The following CNTNAP2 variants were observed in gnomAD, a reference collection of about 807,000 sequenced individuals.
CNTNAP2 encodes the protein contactin associated protein 2, also known as contactin-associated protein-like 2.
Under a neutral mutation model 155.2 loss-of-function variants are expected in CNTNAP2, and 98 were observed. That is an observed-to-expected ratio of 0.63 (90% confidence interval 0.54 to 0.75). CNTNAP2 has a LOEUF of 0.75. Ranked by LOEUF, CNTNAP2 falls within the 30% of genes least tolerant of loss-of-function variation. The pLI is 0.00. For synonymous variants in CNTNAP2, 651 were observed against 631.2 expected (o/e 1.03, Z -0.47); for missense variants, 1,727 against 1,688.1 (o/e 1.02, Z -0.40).
intron 21 of CNTNAP2, among the ~76,000 whole-genome samples, chr7:148,364,578 A>G (rs998253591): frequency 6.6e-6 from 1 of 152,188 alleles, no homozygotes; most frequent in Non-Finnish European, 1.5e-5. Flanking sequence ...GCACCAATCG[A>G]CACTCTGTAT....
intron 15 of CNTNAP2, among the ~76,000 whole-genome samples, chr7:148,026,700 C>T (rs1327873113): frequency 6.6e-6 from 1 of 152,154 alleles, no homozygotes; most frequent in African/African-American, 2.4e-5. Flanking sequence ...CCACCTCATA[C>T]AGCTTGAAAA....
At chr7:147,798,083 G>C (rs182210134) in intron 13 of CNTNAP2, among the ~76,000 whole-genome samples, 1 of 152,228 alleles carries the variant, frequency 6.6e-6, no homozygotes, top group African/African-American at 2.4e-5. Flanking sequence ...TATAGATAAT[G>C]AATAATGTGC....
At chr7:146,313,027 C>T (rs1020047103) in intron 1 of CNTNAP2, among the ~76,000 whole-genome samples, 6 of 152,020 alleles carry the variant, frequency 3.9e-5, no homozygotes, top group East Asian at 1.9e-4. Context: ...CTGGGAATGC[C>T]GATATCTCCT....
chr7:147,667,805 AAAT>A (rs1179973182), intron 13 of CNTNAP2, among the ~76,000 whole-genome samples: 2 of 145,818 alleles, frequency 1.4e-5, no homozygotes, highest in South Asian at 4.2e-4. Flanking sequence ...CAAAAAAAAA[AAAT>A]AATAAAAAAA....
At chr7:147,508,639 T>C (rs933419421) in intron 11 of CNTNAP2, among the ~76,000 whole-genome samples, 1 of 152,184 alleles carries the variant, frequency 6.6e-6, no homozygotes, top group African/African-American at 2.4e-5. Flanking sequence ...GTAGCTCCCA[T>C]AATCCCTGCA....
chr7:147,858,064 C>T (rs12535052), intron 13 of CNTNAP2, among the ~76,000 whole-genome samples: 6,726 of 152,240 alleles, frequency 0.044, 270 homozygotes, highest in Admixed American at 0.12. Flanking sequence ...AGGACAAGGA[C>T]TGGACGTTAA....
chr7:147,534,291 TG>T (rs1799502912), intron 11 of CNTNAP2, among the ~76,000 whole-genome samples: 1 of 152,228 alleles, frequency 6.6e-6, no homozygotes, highest in African/African-American at 2.4e-5. Flanking sequence ...AAAACGTCAG[TG>T]GTGCTGAGGT....
At chr7:146,819,863 A>T (rs2129195836) in intron 2 of CNTNAP2, among the ~76,000 whole-genome samples, 1 of 152,244 alleles carries the variant, frequency 6.6e-6, no homozygotes, top group South Asian at 2.1e-4. Flanking sequence ...ACCCTGAAAT[A>T]CAGGCTGTCA....
At chr7:148,296,017 G>A (rs911986247) in intron 21 of CNTNAP2, among the ~76,000 whole-genome samples, 2 of 152,078 alleles carry the variant, frequency 1.3e-5, no homozygotes, top group African/African-American at 2.4e-5. Flanking sequence ...ACAATTATTT[G>A]GGCCTTGAAA....
chr7:148,335,496 T>C (rs1315437962), intron 21 of CNTNAP2, among the ~76,000 whole-genome samples: 2 of 152,118 alleles, frequency 1.3e-5, no homozygotes, highest in Non-Finnish European at 2.9e-5. Flanking sequence ...ATAGCACACC[T>C]AGCAGAGACA....
At chr7:146,585,872 G>A (rs773470300) in intron 1 of CNTNAP2, among the ~76,000 whole-genome samples, 1 of 152,128 alleles carries the variant, frequency 6.6e-6, no homozygotes, top group African/African-American at 2.4e-5. Context: ...TGGGGTGGTC[G>A]TGTGCACCTA....
chr7:147,444,078 C>A (rs1016608705), intron 10 of CNTNAP2, among the ~76,000 whole-genome samples: 7 of 152,140 alleles, frequency 4.6e-5, no homozygotes, highest in Non-Finnish European at 8.8e-5. Flanking sequence ...AGAACAGACA[C>A]CCAAAGGCAA....
intron 1 of CNTNAP2, among the ~76,000 whole-genome samples, chr7:146,647,799 G>T (rs1799840609): frequency 6.6e-6 from 1 of 152,106 alleles, no homozygotes; most frequent in African/African-American, 2.4e-5. Flanking sequence ...CTATTCTTTT[G>T]ATTAGAGATT....
At chr7:148,124,815 G>A (rs531510255) in intron 16 of CNTNAP2, among the ~76,000 whole-genome samples, 15 of 152,150 alleles carry the variant, frequency 9.9e-5, no homozygotes, top group Non-Finnish European at 1.3e-4. Context: ...TAGGCACAAA[G>A]TATTATGAAC....
At chr7:148,021,307 G>A (rs1282504436) in intron 15 of CNTNAP2, among the ~76,000 whole-genome samples, 2 of 152,148 alleles carry the variant, frequency 1.3e-5, no homozygotes, top group African/African-American at 4.8e-5. Context: ...AGAACAATAA[G>A]ACATACTCCC....
At chr7:146,866,084 C>T (rs145375627) in intron 3 of CNTNAP2, among the ~76,000 whole-genome samples, 3 of 152,146 alleles carry the variant, frequency 2.0e-5, no homozygotes, top group African/African-American at 7.2e-5. Context: ...AATGTTTTAC[C>T]TACTGAATTC....
intron 13 of CNTNAP2, among the ~76,000 whole-genome samples, chr7:147,824,731 C>T (rs991056404): frequency 6.7e-5 from 9 of 134,596 alleles, no homozygotes; most frequent in Non-Finnish European, 1.5e-4. Context: ...TTACCAGCTT[C>T]CTTTTTTTTT....
chr7:146,695,540 A>G (rs1800767788), intron 1 of CNTNAP2, among the ~76,000 whole-genome samples: 1 of 151,906 alleles, frequency 6.6e-6, no homozygotes, highest in Non-Finnish European at 1.5e-5. Flanking sequence ...TCAGCCTCCC[A>G]TGCAGAACTA....
intron 14 of CNTNAP2, among the ~76,000 whole-genome samples, chr7:147,919,459 C>CTTTCTTTTTTTTTTTTTTT (rs58537091): frequency 0.033 from 1,698 of 51,096 alleles, 452 homozygotes; most frequent in Middle Eastern, 0.051. Flanking sequence ...CTTTTTCTTT[C>CTTTCTTTTTTTTTTTTTTT]TTTTTTTTTT....
Sources: allele counts gnomAD v4.1 joint callset (sites outside exome capture counted in the v4.1 genomes callset), GRCh38; gene constraint gnomAD v4.1.1; transcripts MANE v1.5; gene names NCBI Gene and HGNC (gene_info 2026-07-23, HGNC 2026-07-21).